ZNF346: variants seen among roughly 807,000 people sequenced by gnomAD.
ZNF346 encodes zinc finger protein 346, also known as double-stranded RNA-binding zinc finger protein JAZ.
ZNF346 carries 23 observed loss-of-function variants against 33.7 expected under a neutral mutation model. That is an observed-to-expected ratio of 0.68 (90% CI 0.49 to 0.97). ZNF346 has a LOEUF of 0.97. ZNF346 is among the 50% of genes least tolerant of loss of function. The pLI, the probability that ZNF346 is intolerant of heterozygous loss-of-function variation, is 0.00. For missense variants in ZNF346, 340 were observed against 371.1 expected (o/e 0.92, Z 0.69); for synonymous variants, 134 against 142.4 (o/e 0.94, Z 0.42).
chr5:177,027,062 C>CTT (rs1052318590), intron 1 of ZNF346, among the ~76,000 whole-genome samples: 1 of 151,754 alleles, frequency 6.6e-6, no homozygotes, highest in East Asian at 1.9e-4. Context: ...AAGTTATCTT[C>CTT]TTTTTTTTCA....
chr5:177,074,000 A>G (rs1333418887), intron 8 of ZNF346, among the ~76,000 whole-genome samples: 2 of 152,186 alleles, frequency 1.3e-5, no homozygotes, highest in South Asian at 2.1e-4. Context: ...TGTGGCGACC[A>G]CAGACCAGGT....
chr5:177,043,627 G>A (rs1581861446), intron 3 of ZNF346, among the ~76,000 whole-genome samples: 1 of 152,092 alleles, frequency 6.6e-6, no homozygotes, highest in South Asian at 2.1e-4. Context: ...TTAGCCGGGT[G>A]TGGTGGCATA....
intron 1 of ZNF346, among the ~76,000 whole-genome samples, chr5:177,025,693 A>G (rs1440879782): frequency 6.6e-6 from 1 of 152,054 alleles, no homozygotes; most frequent in African/African-American, 2.4e-5. Flanking sequence ...ATATCTATTC[A>G]CATCATTTGC....
rs1287252180 is a variant in ZNF346, at chr5:177,038,270, TG to T, written c.176-2855del. 6.7e-4 allele frequency among the ~76,000 whole-genome samples: 70 copies of T among 103,774 alleles called. 2 individuals are homozygous for T. The highest frequency in any genetic ancestry group is 4.1e-3 in the African/African-American group (57 of 13,738). The allele number at this position is 103,774 out of a possible 152,430, so 68.1% of individuals were successfully genotyped here. ...TGCCCAACTACGTTTTTTTTTTTTGTGTGTGTGTGTTTTTTAATTTTTGTAG... is the reference window on the plus strand; with the variant it reads ...TGCCCAACTACGTTTTTTTTTTTTGTTGTGTGTGTTTTTTAATTTTTGTAG... On this transcript the variant is annotated intron_variant, in intron 1 of 6. Transcript: ENST00000358149.
In ZNF346 at chr5:177,064,787, G is replaced by T; in HGVS notation, c.*188G>T. The T allele has an allele frequency of 1.7e-6, 1 of 595,652 alleles. No homozygotes were observed. Among genetic ancestry groups the T allele is most frequent in the South Asian group, 2.0e-5 (1 of 48,830 alleles). 36.9% of individuals were successfully genotyped at this position (595,652 alleles called of 1,614,324 possible). ...CTCCTGCTGCTCCCCTTTGGCAGGG[G>T]TCCTGTAGGTCATGACAGGGGAGGC... On this transcript the variant is annotated 3_prime_UTR_variant, in exon 7 of 7. Transcript: ENST00000358149.
chr5:177,071,446 G>A (rs1783495138), downstream of ZNF346, among the ~76,000 whole-genome samples: 1 of 151,990 alleles, frequency 6.6e-6, no homozygotes, highest in Non-Finnish European at 1.5e-5. Context: ...CAGCACTTTG[G>A]GAGGCTGAGG....
At chr5:177,051,467 G>A (rs911331455) in intron 5 of ZNF346, among the ~76,000 whole-genome samples, 4 of 145,384 alleles carry the variant, frequency 2.8e-5, no homozygotes, top group Non-Finnish European at 3.0e-5. Flanking sequence ...GAGCCACCGC[G>A]CCCAGCCCTC....
intron 4 of ZNF346, among the ~76,000 whole-genome samples, chr5:177,045,049 T>C (rs1208610588): frequency 6.6e-6 from 1 of 152,188 alleles, no homozygotes; most frequent in African/African-American, 2.4e-5. Flanking sequence ...CCCCACAATC[T>C]GTAACTGCCA....
downstream of ZNF346, among the ~76,000 whole-genome samples, chr5:177,071,415 G>T (rs113848295): frequency 1.2e-4 from 18 of 151,382 alleles, no homozygotes; most frequent in African/African-American, 4.1e-4. Context: ...CGCCAGGCGC[G>T]GTGGCTCACG....
intron 1 of ZNF346, among the ~76,000 whole-genome samples, chr5:177,032,486 C>G (rs1436312275): frequency 6.6e-6 from 1 of 151,960 alleles, no homozygotes; most frequent in East Asian, 1.9e-4. Context: ...TCTCAGTTCA[C>G]TGCAACCTCC....
intron 5 of ZNF346, chr5:177,051,944 A>C (rs1338723525): frequency 6.6e-6 from 1 of 152,002 alleles, no homozygotes; most frequent in African/African-American, 2.4e-5. Context: ...TAGGAGGATC[A>C]CTTGAGCCTA....
chr5:177,071,049 G>T (rs1347222918), downstream of ZNF346, among the ~76,000 whole-genome samples: 4 of 152,192 alleles, frequency 2.6e-5, no homozygotes, highest in African/African-American at 9.7e-5. Context: ...CACAGATCTA[G>T]ACATGTACCT....
At chr5:177,022,988 G>A in intron 1 of ZNF346, 75 bp downstream of exon 1, 3 of 1,434,996 alleles carry the variant, frequency 2.1e-6, no homozygotes, top group Non-Finnish European at 2.7e-6. Context: ...AAGCGCCGAC[G>A]GTCACACCCC....
intron 4 of ZNF346, among the ~76,000 whole-genome samples, chr5:177,044,936 G>T (rs1779833611): frequency 6.6e-6 from 1 of 152,148 alleles, no homozygotes; most frequent in African/African-American, 2.4e-5. Flanking sequence ...TTTTTCACAT[G>T]CTCAGGTTAT....
chr5:177,053,317 C>CAAAA (rs754883910), intron 5 of ZNF346, among the ~76,000 whole-genome samples: 11 of 87,260 alleles, frequency 1.3e-4, no homozygotes, highest in South Asian at 4.3e-4. Context: ...GACTTCATCT[C>CAAAA]AAAAAAAAAA....
At chr5:177,022,986 A>G in intron 1 of ZNF346, 73 bp downstream of exon 1, 1 of 1,435,566 alleles carries the variant, frequency 7.0e-7, no homozygotes, top group Non-Finnish European at 9.1e-7. Context: ...GGAAGCGCCG[A>G]CGGTCACACC....
chr5:177,051,151 A>T (rs1208309476), intron 5 of ZNF346, among the ~76,000 whole-genome samples: 1 of 148,982 alleles, frequency 6.7e-6, no homozygotes, highest in African/African-American at 2.5e-5. Context: ...CTGTTACCAT[A>T]TCTTTCAGGT....
At chr5:177,073,154 G>A (rs1312701585) in intron 8 of ZNF346, among the ~76,000 whole-genome samples, 1 of 152,130 alleles carries the variant, frequency 6.6e-6, no homozygotes, top group Non-Finnish European at 1.5e-5. Context: ...GGCAGGAATT[G>A]GGTCTTATGA....
exon 9 of ZNF346, chr5:177,081,177 A>G (rs986054060): frequency 1.4e-5 from 2 of 142,288 alleles, no homozygotes; most frequent in African/African-American, 5.6e-5. Context: ...TGTTCTCAAA[A>G]TAAAACTTGT....
Sources: gnomAD v4.1 joint callset for allele counts (sites outside exome capture counted in the v4.1 genomes callset) on GRCh38, gnomAD v4.1.1 for gene constraint, MANE v1.5 for transcripts, NCBI Gene and HGNC (gene_info 2026-07-23, HGNC 2026-07-21) for gene names.